EFL1: variants seen among roughly 807,000 people sequenced by gnomAD.
EFL1 encodes elongation factor-like GTPase 1.
EFL1 carries 76 observed loss-of-function variants against 126.7 expected under a neutral mutation model. The ratio of observed to expected loss-of-function variants is 0.60; its 90% confidence interval spans 0.50 to 0.73. The LOEUF (loss-of-function observed/expected upper bound fraction) is 0.73. Ranked by LOEUF, EFL1 falls within the 30% of genes least tolerant of loss-of-function variation. EFL1 has a pLI of 0.00. For missense variants in EFL1, 1,128 were observed against 1,343.2 expected, an observed-to-expected ratio of 0.84 and a Z score of 2.50; for synonymous variants, 410 against 448.4, an observed-to-expected ratio of 0.91 and a Z score of 1.08.
At chr15:82,217,372 TGAA>T (rs2074658947) in intron 14 of EFL1, among the ~76,000 whole-genome samples, 1 of 18,978 alleles carries the variant, frequency 5.3e-5, no homozygotes, top group African/African-American at 4.0e-4. Flanking sequence ...TGATTAGATT[TGAA>T]AAAAAAAAAA....
intron 15 of EFL1, among the ~76,000 whole-genome samples, chr15:82,174,620 G>A (rs914878585): frequency 2.6e-5 from 4 of 152,148 alleles, no homozygotes; most frequent in African/African-American, 7.2e-5. Flanking sequence ...TCCACAGAGG[G>A]AGTCTTGGAT....
At chr15:82,245,322 T>C (rs1269969482) in intron 4 of EFL1, among the ~76,000 whole-genome samples, 3 of 151,958 alleles carry the variant, frequency 2.0e-5, no homozygotes, top group Non-Finnish European at 4.4e-5. Flanking sequence ...TTATTTTTTG[T>C]AGAGATGGGG....
At chr15:82,237,373 A>G (rs2074883750) in intron 7 of EFL1, among the ~76,000 whole-genome samples, 1 of 152,232 alleles carries the variant, frequency 6.6e-6, no homozygotes, top group South Asian at 2.1e-4. Flanking sequence ...TTCACCCAAG[A>G]GGACCTACAG....
chr15:82,151,759 G>C lies in EFL1; in HGVS notation c.2695C>G (p.Leu899Val). 1.9e-6 allele frequency: 3 copies of C among 1,614,028 alleles called. No individual in the cohort carries two copies. Among genetic ancestry groups the C allele is most frequent in the Non-Finnish European group, 2.5e-6 (3 of 1,180,010 alleles). Residue 899 changes from leucine (L) to valine (V), a missense_variant, in exon 18 of 20, where the codon CTA becomes GTA. Leu to Val is a conservative substitution (Grantham distance 32). Coordinates refer to ENST00000268206, the MANE Select transcript of EFL1 (RefSeq NM_024580.6). ...GCTCCTTGTTCCTCAAATTTACTTA[G>C]GTCCCATTTTTCCAGAACAAAACAG... Reference protein sequence around the residue: ...GVCFVLEKWDLSKFEEQGASD... With the variant: ...GVCFVLEKWDVSKFEEQGASD...
intron 18 of EFL1, among the ~76,000 whole-genome samples, chr15:82,141,628 C>T (rs1241883653): frequency 2.7e-5 from 4 of 147,400 alleles, no homozygotes; most frequent in African/African-American, 5.0e-5. Flanking sequence ...GAGCTGAGAT[C>T]GTGCCACTGC....
chr15:82,175,474 G>T (rs2074185148), intron 15 of EFL1, among the ~76,000 whole-genome samples: 1 of 152,112 alleles, frequency 6.6e-6, no homozygotes, highest in African/African-American at 2.4e-5. Flanking sequence ...TTACTTAGTA[G>T]ATCAATGAAA....
intron 15 of EFL1, among the ~76,000 whole-genome samples, chr15:82,207,437 G>A (rs1020889901): frequency 1.3e-5 from 2 of 151,702 alleles, no homozygotes; most frequent in Admixed American, 6.6e-5. Context: ...GCATTTAAAC[G>A]AAGGCAGGGA....
At chr15:82,201,568 A>G (rs1370865507) in intron 15 of EFL1, among the ~76,000 whole-genome samples, 1 of 152,102 alleles carries the variant, frequency 6.6e-6, no homozygotes, top group East Asian at 1.9e-4. Flanking sequence ...AAGAATAAAT[A>G]TATCCTTTTA....
intron 15 of EFL1, among the ~76,000 whole-genome samples, chr15:82,168,776 A>C (rs1309147926): frequency 3.3e-5 from 5 of 152,232 alleles, no homozygotes; most frequent in Non-Finnish European, 7.3e-5. Context: ...GGCCTCCCAA[A>C]GTGCTGGGAT....
At chr15:82,141,762 GC>G (rs2073791362) in intron 18 of EFL1, among the ~76,000 whole-genome samples, 1 of 152,088 alleles carries the variant, frequency 6.6e-6, no homozygotes, top group African/African-American at 2.4e-5. Context: ...AACAATAGGG[GC>G]AAAAAAGAAT....
intron 4 of EFL1, among the ~76,000 whole-genome samples, chr15:82,246,617 T>C (rs1446212696): frequency 6.6e-6 from 1 of 152,064 alleles, no homozygotes; most frequent in African/African-American, 2.4e-5. Flanking sequence ...TAAAAGCTGA[T>C]GGATACAAGC....
intron 12 of EFL1, among the ~76,000 whole-genome samples, chr15:82,222,620 C>T (rs1229684313): frequency 6.6e-6 from 1 of 152,150 alleles, no homozygotes; most frequent in Non-Finnish European, 1.5e-5. Context: ...CTACTGTGTG[C>T]CACACACTGC....
chr15:82,220,467 G>A (rs2074700186), intron 12 of EFL1, among the ~76,000 whole-genome samples: 1 of 152,160 alleles, frequency 6.6e-6, no homozygotes, highest in Non-Finnish European at 1.5e-5. Flanking sequence ...TCCCCATCTG[G>A]AGCAATGTAC....
rs1378459986 is a variant in EFL1 at position 82,152,039 on chromosome 15, T to G, written c.2415A>C (p.Gly805=). ...KTQEKIWEFK[G]KLEQHLTGRR... ...TCCCTGTTAGGTGTTGCTCCAGTTT[T>G]CCTTTGAATTCCCAAATTTTCTCTT... The change falls in exon 18 of 20, where the codon GGA becomes GGC. Residue 805 remains glycine, a synonymous_variant. Coordinates refer to ENST00000268206, the MANE Select transcript of EFL1 (RefSeq NM_024580.6). The G allele has an allele frequency of 1.2e-6, 2 of 1,614,160 alleles. No homozygotes were observed. The highest frequency in any genetic ancestry group is 1.3e-5 in the African/African-American group (1 of 75,038).
At position 82,151,370 on chromosome 15, in the gene EFL1, A is replaced by G. The variant is rs1033469152; in HGVS notation, c.2989+95T>C. On this transcript the variant is annotated intron_variant, in intron 18 of 19. Transcript: ENST00000268206. ...GCCACTGCACTCCAGCTGGGGCGAC[A>G]GAATGAGACCCTGTCTCAAAAACAA... 4.5e-5 allele frequency: 55 copies of G among 1,226,442 alleles called. No individual in the cohort carries two copies. In the African/African-American group the frequency reaches 7.0e-4, roughly 16 times the overall value. The allele number at this position is 1,226,442 out of a possible 1,614,324, so 76.0% of individuals were successfully genotyped here.
intron 11 of EFL1, among the ~76,000 whole-genome samples, chr15:82,225,716 T>G (rs1033978079): frequency 6.6e-6 from 1 of 151,998 alleles, no homozygotes; most frequent in Non-Finnish European, 1.5e-5. Context: ...AGTTAGAAAA[T>G]AAAATGGACA....
chr15:82,163,767 C>T, intron 16 of EFL1, 86 bp downstream of exon 16: 2 of 1,470,898 alleles, frequency 1.4e-6, no homozygotes, highest in South Asian at 2.8e-5. Flanking sequence ...ACTGCTGAAA[C>T]AAGTCATGAG....
intron 9 of EFL1, among the ~76,000 whole-genome samples, chr15:82,228,553 C>A (rs2141313405): frequency 6.6e-6 from 1 of 152,306 alleles, no homozygotes; most frequent in East Asian, 1.9e-4. Flanking sequence ...TACTTCTCCA[C>A]CATCTCCTCA....
chr15:82,233,211 A>G (rs989816901), intron 7 of EFL1, among the ~76,000 whole-genome samples: 2 of 152,172 alleles, frequency 1.3e-5, no homozygotes, highest in Non-Finnish European at 2.9e-5. Context: ...CGTAGTTACT[A>G]CAAAATTTGC....
Sources: gnomAD v4.1 joint callset for allele counts (sites outside exome capture counted in the v4.1 genomes callset) on GRCh38, gnomAD v4.1.1 for gene constraint, MANE v1.5 for transcripts, NCBI Gene and HGNC (gene_info 2026-07-23, HGNC 2026-07-21) for gene names.